The following KLHL29 variants were observed in gnomAD, a reference collection of about 807,000 sequenced individuals.
KLHL29 encodes kelch-like protein 29.
KLHL29 carries 21 observed loss-of-function variants against 80.4 expected under a neutral mutation model. The ratio of observed to expected loss-of-function variants is 0.26; its 90% CI spans 0.19 to 0.38. The LOEUF (loss-of-function observed/expected upper bound fraction) is 0.38. Among genes scored for constraint, KLHL29 ranks in the 10% least tolerant of loss-of-function variants. The pLI is 1.00. For synonymous variants in KLHL29, 511 were observed against 526.8 expected (o/e 0.97, Z 0.41); for missense variants, 867 against 1,223.9 (o/e 0.71, Z 4.35).
At chr2:23,572,628 T>A (rs1009741808) in intron 3 of KLHL29, among the ~76,000 whole-genome samples, 1 of 152,114 alleles carries the variant, frequency 6.6e-6, no homozygotes, top group African/African-American at 2.4e-5. Flanking sequence ...GGAAGATGAA[T>A]CCTTTGACAT....
intron 2 of KLHL29, among the ~76,000 whole-genome samples, chr2:23,489,656 G>A (rs552120894): frequency 6.6e-6 from 1 of 152,060 alleles, no homozygotes; most frequent in African/African-American, 2.4e-5. Context: ...TGGGATGGGG[G>A]CATGGTGGTG....
intron 5 of KLHL29, among the ~76,000 whole-genome samples, chr2:23,649,886 C>T (rs886694083): frequency 2.6e-5 from 4 of 152,216 alleles, no homozygotes; most frequent in African/African-American, 9.6e-5. Context: ...CAGGGTAACC[C>T]GTGAGGTTCC....
intron 2 of KLHL29, among the ~76,000 whole-genome samples, chr2:23,536,008 T>G (rs1368898089): frequency 6.6e-6 from 1 of 152,194 alleles, no homozygotes; most frequent in East Asian, 1.9e-4. Context: ...TTCAACATTT[T>G]AAATGTTATC....
chr2:23,704,379 C>G (rs764705905), intron 13 of KLHL29, among the ~76,000 whole-genome samples: 1 of 152,200 alleles, frequency 6.6e-6, no homozygotes, highest in African/African-American at 2.4e-5. Flanking sequence ...GAGTGTGGCT[C>G]GGTCCCCAGG....
intron 1 of KLHL29, among the ~76,000 whole-genome samples, chr2:23,401,486 C>T (rs114040543): frequency 0.01 from 1,596 of 152,236 alleles, 12 homozygotes; most frequent in South Asian, 0.024. Flanking sequence ...ATGAGGTTGG[C>T]GGCACTGCTA....
chr2:23,663,659 C>T (rs561842117), intron 5 of KLHL29, among the ~76,000 whole-genome samples: 2 of 152,194 alleles, frequency 1.3e-5, no homozygotes, highest in African/African-American at 2.4e-5. Flanking sequence ...ATTGACTGAG[C>T]GATTGCCGTT....
At position 23,392,943 on chromosome 2, in the gene KLHL29, G is replaced by A. The variant is rs374301362; in HGVS notation, c.-154+7163G>A. 3.4e-4 allele frequency among the ~76,000 whole-genome samples: 52 copies of A among 152,280 alleles called. 2 individuals are homozygous for A. Among genetic ancestry groups the A allele is most frequent in the African/African-American group, 1.1e-3 (45 of 41,564 alleles). ...CATGCATGATACCTTTTGGATTTGC[G>A]CACCTGCTTCCATTTACTGTGGTTT... is the stretch of plus-strand genomic sequence containing the variant. On this transcript the variant is annotated intron_variant, in intron 1 of 13. Coordinates refer to ENST00000486442, the MANE Select transcript of KLHL29 (RefSeq NM_052920.2).
intron 11 of KLHL29, among the ~76,000 whole-genome samples, chr2:23,698,808 C>T (rs1042138699): frequency 5.3e-5 from 8 of 152,152 alleles, no homozygotes; most frequent in African/African-American, 1.7e-4. Context: ...ACAGATTGAG[C>T]TGACGGGAGG....
At position 23,572,034 on chromosome 2, in the gene KLHL29, A is replaced by G. The variant is rs563517879; in HGVS notation, c.285+9553A>G. On this transcript the variant is annotated intron_variant, in intron 3 of 13. Transcript: ENST00000486442. Reference sequence around the variant, plus strand: ...TTCATCCCGGCACTCGCTGCTGCATACAGGGATCCTGCTATCTGTTGCTTC... The same window carrying G: ...TTCATCCCGGCACTCGCTGCTGCATGCAGGGATCCTGCTATCTGTTGCTTC... 2.6e-5 allele frequency among the ~76,000 whole-genome samples: 4 copies of G among 152,278 alleles called. No individual in the cohort carries two copies. In the South Asian group the frequency reaches 8.3e-4, roughly 32 times the overall value.
chr2:23,656,932 G>GAAA (rs58320389), intron 5 of KLHL29, among the ~76,000 whole-genome samples: 29 of 110,094 alleles, frequency 2.6e-4, no homozygotes, highest in Non-Finnish European at 4.2e-4. Context: ...TCCCCAACAG[G>GAAA]AAAAAAAAAA....
At chr2:23,588,734 G>C (rs1668177939) in intron 3 of KLHL29, among the ~76,000 whole-genome samples, 1 of 152,236 alleles carries the variant, frequency 6.6e-6, no homozygotes, top group Admixed American at 6.5e-5. Context: ...TTGAGGCCAG[G>C]GTTGTTCTAG....
chr2:23,607,066 C>T (rs117990602), intron 3 of KLHL29, among the ~76,000 whole-genome samples: 2 of 152,298 alleles, frequency 1.3e-5, no homozygotes, highest in East Asian at 1.9e-4. Flanking sequence ...GGTGAGGGCC[C>T]CACCCTCATG....
At chr2:23,498,473 T>C (rs1233899339) in intron 2 of KLHL29, among the ~76,000 whole-genome samples, 1 of 152,188 alleles carries the variant, frequency 6.6e-6, no homozygotes, top group Non-Finnish European at 1.5e-5. Flanking sequence ...CTGCCCTCCC[T>C]GCCAAGCAGG....
chr2:23,524,687 C>G (rs944755118), intron 2 of KLHL29, among the ~76,000 whole-genome samples: 2 of 152,216 alleles, frequency 1.3e-5, no homozygotes, highest in African/African-American at 4.8e-5. Context: ...CTGGCCTTGC[C>G]ACCCTTTCCA....
chr2:23,700,492 A>C lies in KLHL29; in HGVS notation c.2106-2694A>C, dbSNP rs567525055. Among the ~76,000 whole-genome samples, 1 of 152,198 alleles carries C rather than the reference A, an allele frequency of 6.6e-6. No individual in the cohort carries two copies. Among genetic ancestry groups the C allele is most frequent in the South Asian group, 2.1e-4 (1 of 4,824 alleles). ...TGGTGGCCACAGCACATCTCTTTCC[A>C]ACTCCATGTTCAGCAACATCCCTAT... On this transcript the variant is annotated intron_variant, in intron 11 of 13. Transcript: ENST00000486442. The surrounding 1 kb of genome is among the most constrained non-coding windows in gnomAD (Gnocchi z 4.6).
At chr2:23,617,277 C>T (rs1669043926) in intron 3 of KLHL29, 1 of 152,296 alleles carries the variant, frequency 6.6e-6, no homozygotes, top group African/African-American at 2.4e-5. Flanking sequence ...CCACTCACGC[C>T]TGTCCCCCCG....
chr2:23,529,032 C>G (rs1666414259), intron 2 of KLHL29, among the ~76,000 whole-genome samples: 1 of 152,200 alleles, frequency 6.6e-6, no homozygotes, highest in African/African-American at 2.4e-5. Flanking sequence ...CTAGAAACCT[C>G]TCTTTGGGGA....
intron 1 of KLHL29, among the ~76,000 whole-genome samples, chr2:23,431,998 A>G (rs1663196116): frequency 6.6e-6 from 1 of 152,146 alleles, no homozygotes; most frequent in African/African-American, 2.4e-5. Flanking sequence ...ATACCTCATA[A>G]TACCACCCGC....
intron 1 of KLHL29, among the ~76,000 whole-genome samples, chr2:23,452,977 G>A (rs1209392649): frequency 6.6e-6 from 1 of 151,820 alleles, no homozygotes; most frequent in Non-Finnish European, 1.5e-5. Context: ...CCTTTATGCT[G>A]GGACTGTGGT....
Sources: gnomAD v4.1 joint callset for allele counts (sites outside exome capture counted in the v4.1 genomes callset) on GRCh38, gnomAD v4.1.1 for gene constraint, Gnocchi (gnomAD v3.1) non-coding constraint, MANE v1.5 for transcripts, NCBI Gene and HGNC (gene_info 2026-07-23, HGNC 2026-07-21) for gene names.